APIP: variants seen among roughly 807,000 people sequenced by gnomAD.
The protein encoded by APIP is methylthioribulose-1-phosphate dehydratase.
In APIP, 32 loss-of-function variants were observed where a neutral mutation model predicts 32.0. That is an observed-to-expected ratio of 1.00 (90% CI 0.76 to 1.34). APIP has a LOEUF of 1.34. Among genes scored for constraint, APIP ranks in the 40% most tolerant of loss-of-function variants. APIP has a pLI of 0.00. For synonymous variants in APIP, 92 were observed against 94.8 expected (o/e 0.97, Z 0.17); for missense variants, 247 against 298.6 (o/e 0.83, Z 1.27).
intron 2 of APIP, among the ~76,000 whole-genome samples, chr11:34,892,594 C>T (rs554614293): frequency 7.2e-5 from 11 of 152,050 alleles, no homozygotes; most frequent in Non-Finnish European, 1.5e-4. Flanking sequence ...TGATAGCGAC[C>T]CAACCTAAAC....
intron 6 of APIP, 74 bp from the exon 7 acceptor site, chr11:34,882,890 C>T: frequency 9.4e-7 from 1 of 1,068,672 alleles, no homozygotes; most frequent in Non-Finnish European, 1.4e-6. Flanking sequence ...TCACATTTCT[C>T]CTCTCTTGCA....
Position 34,898,153 on chromosome 11 carries a change from C to T in APIP, c.58-3043G>A, listed in dbSNP as rs1284127807. Among the ~76,000 whole-genome samples the T allele has an allele frequency of 2.0e-5, 3 of 152,124 alleles. No homozygotes were observed. In the East Asian group the frequency reaches 5.8e-4, roughly 29 times the overall value. ...GGCCAAGAATCCGAGGTACAACATTCATCGGATGGTGAGTATAGGAGCAAG... is the reference window on the plus strand; with the variant it reads ...GGCCAAGAATCCGAGGTACAACATTTATCGGATGGTGAGTATAGGAGCAAG... On this transcript the variant is annotated intron_variant, in intron 1 of 6. Transcript: ENST00000395787.
intron 1 of APIP, among the ~76,000 whole-genome samples, chr11:34,915,254 T>C (rs1853651749): frequency 6.6e-6 from 1 of 152,242 alleles, no homozygotes; most frequent in East Asian, 1.9e-4. Flanking sequence ...TTACCTGTCC[T>C]GTCTCCAAGA....
chr11:34,884,658 G>A (rs1853029210), intron 5 of APIP, among the ~76,000 whole-genome samples: 1 of 151,944 alleles, frequency 6.6e-6, no homozygotes, highest in East Asian at 1.9e-4. Flanking sequence ...CTGGGAGGCG[G>A]AGGTTGCATA....
intron 5 of APIP, among the ~76,000 whole-genome samples, chr11:34,885,493 C>T (rs925112948): frequency 2.6e-5 from 4 of 152,034 alleles, no homozygotes; most frequent in Non-Finnish European, 1.5e-5. Flanking sequence ...GTCGGGGGCA[C>T]CTTGCCTCTA....
intron 1 of APIP, among the ~76,000 whole-genome samples, chr11:34,896,174 T>C (rs140157109): frequency 0.13 from 19,880 of 152,144 alleles, 1,769 homozygotes; most frequent in African/African-American, 0.26. Context: ...AGTTCAACCA[T>C]TGTGGAAGAC....
At chr11:34,888,246 AG>A in intron 5 of APIP, 46 bp downstream of exon 5, 1 of 1,474,524 alleles carries the variant, frequency 6.8e-7, no homozygotes, top group Non-Finnish European at 9.1e-7. Flanking sequence ...ATCAAAGAGA[AG>A]GAAGAATTCT....
intron 3 of APIP, among the ~76,000 whole-genome samples, chr11:34,889,477 C>CA (rs1853149239): frequency 6.9e-6 from 1 of 144,610 alleles, no homozygotes. Flanking sequence ...ACAGGTTTTT[C>CA]TTTTTTTTTT....
chr11:34,896,760 C>T (rs1214900599), intron 1 of APIP: 1 of 1,275,302 alleles, frequency 7.8e-7, no homozygotes, highest in East Asian at 5.6e-5. Context: ...AATGAGACTA[C>T]CTGGGAGAGA....
intron 5 of APIP, among the ~76,000 whole-genome samples, chr11:34,886,228 G>C (rs539279527): frequency 2.0e-5 from 3 of 152,014 alleles, no homozygotes; most frequent in African/African-American, 7.2e-5. Flanking sequence ...GACAAGGTGT[G>C]GAGGTGGAAG....
rs572465911 is a variant in APIP at position 34,897,717 on chromosome 11, T to A, written c.58-2607A>T. Among the ~76,000 whole-genome samples the A allele has an allele frequency of 3.3e-5, 5 of 152,278 alleles. No individual in the cohort carries two copies. In the East Asian group the frequency reaches 9.6e-4, roughly 29 times the overall value. On this transcript the variant is annotated intron_variant, in intron 1 of 6. Transcript: ENST00000395787. ...TATGGTGATTCCCACCCTCTTCTTGTCACCATGTGTGTCAAGCATCATGGC... is the reference window on the plus strand; with the variant it reads ...TATGGTGATTCCCACCCTCTTCTTGACACCATGTGTGTCAAGCATCATGGC...
chr11:34,888,472 T>A (rs1270393939), intron 4 of APIP, 44 bp from the exon 5 acceptor site: 3 of 1,582,198 alleles, frequency 1.9e-6, no homozygotes, highest in Non-Finnish European at 2.6e-6. Flanking sequence ...GAAGACTGAA[T>A]TATAGCTTTT....
intron 5 of APIP, among the ~76,000 whole-genome samples, chr11:34,887,399 T>C (rs925669490): frequency 6.6e-6 from 1 of 152,220 alleles, no homozygotes; most frequent in African/African-American, 2.4e-5. Context: ...TGTACACTTC[T>C]CTTAATTTAA....
chr11:34,883,880 A>G (rs555632957), intron 5 of APIP, among the ~76,000 whole-genome samples: 1 of 152,362 alleles, frequency 6.6e-6, no homozygotes, highest in East Asian at 1.9e-4. Context: ...AAGATTAAAA[A>G]TTGAATTATA....
In APIP at chr11:34,888,306, C is replaced by T. The variant is rs140838755; in HGVS notation, c.448G>A (p.Gly150Arg). 86 of 1,594,844 alleles carry T rather than the reference C, an allele frequency of 5.4e-5. 1 individual carries two copies. Among genetic ancestry groups the T allele is most frequent in the Middle Eastern group, 1.7e-4 (1 of 6,000 alleles). ...MIKGIKKCTSGGYYRYDDMLV... is the reference protein window; with the variant it reads ...MIKGIKKCTSRGYYRYDDMLV... ...AAAAAAAAATACCTATAATACCCTCCGGAAGTACATTTCTTTATTCCTTTT... is the reference window on the plus strand; with the variant it reads ...AAAAAAAAATACCTATAATACCCTCTGGAAGTACATTTCTTTATTCCTTTT... Residue 150 changes from glycine to arginine, a missense_variant, in exon 5 of 7, where the codon GGA becomes AGA. By Grantham distance (125) the Gly-to-Arg change is moderately radical. Transcript: ENST00000395787.
intron 5 of APIP, among the ~76,000 whole-genome samples, chr11:34,884,216 CTT>C (rs1025909950): frequency 6.6e-5 from 10 of 152,058 alleles, no homozygotes; most frequent in East Asian, 3.8e-4. Context: ...ATGAATTTCT[CTT>C]GTTTTGTTAA....
intron 1 of APIP, among the ~76,000 whole-genome samples, chr11:34,914,517 CT>C (rs1853620962): frequency 1.3e-5 from 2 of 152,110 alleles, no homozygotes; most frequent in Admixed American, 1.3e-4. Flanking sequence ...ATACAAATAT[CT>C]AGAGGGGCTC....
intron 2 of APIP, among the ~76,000 whole-genome samples, chr11:34,890,959 A>G (rs1322282667): frequency 6.6e-6 from 1 of 152,134 alleles, no homozygotes; most frequent in Non-Finnish European, 1.5e-5. Context: ...CAATAGAAGT[A>G]TATTTCTGTC....
At chr11:34,901,685 T>C (rs1468284671) in intron 1 of APIP, among the ~76,000 whole-genome samples, 1 of 152,148 alleles carries the variant, frequency 6.6e-6, no homozygotes, top group African/African-American at 2.4e-5. Flanking sequence ...CCTGCTCCTT[T>C]ATTAGGAAGA....
Sources: gnomAD v4.1 joint callset for allele counts (sites outside exome capture counted in the v4.1 genomes callset) on GRCh38, gnomAD v4.1.1 for gene constraint, MANE v1.5 for transcripts, NCBI Gene and HGNC (gene_info 2026-07-23, HGNC 2026-07-21) for gene names.